Variants in PHACTR1 observed in about 807,000 individuals in gnomAD.
PHACTR1 encodes the protein phosphatase and actin regulator 1.
PHACTR1 carries 16 observed loss-of-function variants against 69.2 expected under a neutral mutation model. The ratio of observed to expected loss-of-function variants is 0.23; its 90% CI spans 0.16 to 0.35. The LOEUF is 0.35. Ranked by LOEUF, PHACTR1 falls within the 10% of genes least tolerant of loss-of-function variation. The pLI, the probability that PHACTR1 is intolerant of heterozygous loss-of-function variation, is 1.00. For synonymous variants in PHACTR1, 312 were observed against 284.5 expected, an observed-to-expected ratio of 1.10 and a Z score of -0.97; for missense variants, 510 against 734.7, an observed-to-expected ratio of 0.69 and a Z score of 3.54.
intron 12 of PHACTR1, chr6:13,279,877 C>T (rs150507929): frequency 1.3e-5 from 2 of 151,496 alleles, no homozygotes; most frequent in African/African-American, 2.4e-5. Flanking sequence ...GACTGGGGCT[C>T]GAAAAAGACA....
intron 4 of PHACTR1, among the ~76,000 whole-genome samples, chr6:12,919,484 T>C (rs991469605): frequency 7.9e-5 from 12 of 152,208 alleles, no homozygotes; most frequent in African/African-American, 2.4e-4. Flanking sequence ...TCACATTGGA[T>C]GTGCACACTG....
intron 4 of PHACTR1, chr6:12,933,617 T>A (rs781301728): frequency 9.3e-6 from 15 of 1,611,936 alleles, no homozygotes; most frequent in African/African-American, 1.3e-5. Context: ...TGTCTTCATG[T>A]TTCCACAATG....
At chr6:12,983,579 G>C (rs544204012) in intron 4 of PHACTR1, among the ~76,000 whole-genome samples, 5 of 151,836 alleles carry the variant, frequency 3.3e-5, no homozygotes, top group Admixed American at 2.0e-4. Context: ...CAAGTTCTAG[G>C]GTACATGTGC....
intron 4 of PHACTR1, among the ~76,000 whole-genome samples, chr6:12,840,455 A>C (rs996266099): frequency 6.6e-6 from 1 of 152,210 alleles, no homozygotes; most frequent in Non-Finnish European, 1.5e-5. Context: ...GACTGTGTTC[A>C]TGAGAAAGGG....
At chr6:12,824,032 G>A (rs60954427) in intron 4 of PHACTR1, among the ~76,000 whole-genome samples, 11,753 of 152,228 alleles carry the variant, frequency 0.077, 534 homozygotes, top group East Asian at 0.16. Flanking sequence ...AGCAGGAGGT[G>A]AGCAGTGGGC....
intron 6 of PHACTR1, among the ~76,000 whole-genome samples, chr6:13,178,313 C>T (rs950258301): frequency 2.6e-5 from 4 of 152,222 alleles, no homozygotes; most frequent in African/African-American, 7.2e-5. Context: ...CTCATGCTGT[C>T]TGTCCCATGT....
intron 4 of PHACTR1, among the ~76,000 whole-genome samples, chr6:12,912,338 C>A (rs1035625187): frequency 1.3e-5 from 2 of 152,126 alleles, no homozygotes; most frequent in African/African-American, 2.4e-5. Flanking sequence ...CAAGGGTAGG[C>A]CCCCAGGGGA....
At position 12,748,180 on chromosome 6, in the gene PHACTR1, T is replaced by C. The variant is rs114360812; in HGVS notation, c.104-1464T>C. ...TAAACAGAATGGGAAGGAAACATTA[T>C]GGTACAGATAGAGGAAGCAGCAAGG... On this transcript the variant is annotated intron_variant, in intron 3 of 14. Coordinates refer to ENST00000332995, the MANE Select transcript of PHACTR1 (RefSeq NM_030948.6). 6.0e-3 allele frequency among the ~76,000 whole-genome samples: 920 copies of C among 152,242 alleles called. 10 individuals carry two copies. The highest frequency in any genetic ancestry group is 0.021 in the African/African-American group (876 of 41,518).
At position 13,061,200 on chromosome 6, in the gene PHACTR1, G is replaced by A. The variant is rs1016854124; in HGVS notation, c.415+7671G>A. Among the ~76,000 whole-genome samples, 9 of 152,120 alleles carry A rather than the reference G, an allele frequency of 5.9e-5. 1 individual carries two copies. The South Asian group carries it at 1.9e-3, about 32-fold the overall frequency. On this transcript the variant is annotated intron_variant, in intron 5 of 14. Coordinates refer to ENST00000332995, the MANE Select transcript of PHACTR1 (RefSeq NM_030948.6). ...AAGGGTACCAGACATTTGATTTAGG[G>A]ACCACCTATATATCCAGGATAATCT...
At chr6:12,826,791 T>G (rs1384975449) in intron 4 of PHACTR1, among the ~76,000 whole-genome samples, 1 of 152,168 alleles carries the variant, frequency 6.6e-6, no homozygotes, top group Non-Finnish European at 1.5e-5. Flanking sequence ...CAATTAATCT[T>G]GAAATGAAGA....
At chr6:13,176,742 T>G (rs572910616) in intron 6 of PHACTR1, among the ~76,000 whole-genome samples, 14 of 152,328 alleles carry the variant, frequency 9.2e-5, no homozygotes, top group Non-Finnish European at 4.4e-5. Context: ...ATTTTTAGTT[T>G]TTGGATCTGT....
chr6:13,225,182 A>T (rs1358726862), intron 8 of PHACTR1, among the ~76,000 whole-genome samples: 1 of 152,218 alleles, frequency 6.6e-6, no homozygotes, highest in African/African-American at 2.4e-5. Context: ...ACTCTTCCTG[A>T]TGCATAGTTG....
chr6:13,062,206 T>C (rs1057495691), intron 5 of PHACTR1, among the ~76,000 whole-genome samples: 7 of 152,222 alleles, frequency 4.6e-5, no homozygotes, highest in African/African-American at 1.7e-4. Context: ...TGTAATAGTA[T>C]GTATGCACAG....
chr6:12,935,466 A>T (rs9395237), intron 4 of PHACTR1, among the ~76,000 whole-genome samples: 1 of 151,960 alleles, frequency 6.6e-6, no homozygotes, highest in Admixed American at 6.6e-5. Context: ...CTGGTCTCGA[A>T]CTTTTGACCT....
intron 5 of PHACTR1, among the ~76,000 whole-genome samples, chr6:13,113,250 A>G (rs1336491913): frequency 6.6e-6 from 1 of 152,172 alleles, no homozygotes; most frequent in Non-Finnish European, 1.5e-5. Context: ...GTAAAAGATA[A>G]CTGGTCAAAA....
chr6:12,978,237 A>G (rs1795119165), intron 4 of PHACTR1, among the ~76,000 whole-genome samples: 1 of 152,124 alleles, frequency 6.6e-6, no homozygotes, highest in African/African-American at 2.4e-5. Flanking sequence ...TCTGAATCTC[A>G]TCATGTCACC....
intron 5 of PHACTR1, among the ~76,000 whole-genome samples, chr6:13,061,384 G>C (rs915477499): frequency 6.6e-6 from 1 of 152,156 alleles, no homozygotes; most frequent in African/African-American, 2.4e-5. Context: ...GGAAAGGAAA[G>C]GTCCAGGGGG....
chr6:12,803,228 C>T (rs566887219), intron 4 of PHACTR1, among the ~76,000 whole-genome samples: 7 of 152,266 alleles, frequency 4.6e-5, no homozygotes, highest in African/African-American at 7.2e-5. Context: ...AACCCCGCTG[C>T]GTTCAATAAT....
Position 12,985,546 on chromosome 6 carries a change from A to G in PHACTR1, c.251-67819A>G, listed in dbSNP as rs754742678. 1.6e-3 allele frequency among the ~76,000 whole-genome samples: 230 copies of G among 145,768 alleles called. 2 individuals carry two copies. The highest frequency in any genetic ancestry group is 2.8e-3 in the Non-Finnish European group (184 of 66,518). On this transcript the variant is annotated intron_variant, in intron 4 of 14. Coordinates refer to ENST00000332995, the MANE Select transcript of PHACTR1 (RefSeq NM_030948.6). The stretch of plus-strand genomic sequence containing the variant: ...TACAAATTAAAAAAAAAAAAAATAT[A>G]TATATATATATATATACACAGAGAG...
Sources: gnomAD v4.1 joint callset for allele counts (sites outside exome capture counted in the v4.1 genomes callset) on GRCh38, gnomAD v4.1.1 for gene constraint, MANE v1.5 for transcripts, NCBI Gene and HGNC (gene_info 2026-07-23, HGNC 2026-07-21) for gene names.